The following KIN variants were observed in gnomAD, a reference collection of about 807,000 sequenced individuals.
The protein encoded by KIN is Kin17 DNA and RNA binding protein.
Under a neutral mutation model 63.0 loss-of-function variants are expected in KIN, and 47 were observed. That is an observed-to-expected ratio of 0.75 (90% CI 0.59 to 0.95). The LOEUF (loss-of-function observed/expected upper bound fraction) is 0.95. Among genes scored for constraint, KIN ranks in the 40% least tolerant of loss-of-function variants. The probability of loss-of-function intolerance (pLI) is 0.00; values close to 1 mark genes in which losing one functional copy is unlikely to be tolerated. For missense variants in KIN, 408 were observed against 460.9 expected (o/e 0.89, Z 1.05); for synonymous variants, 160 against 157.7 (o/e 1.01, Z -0.11).
At chr10:7,767,736 G>A (rs11255350) in intron 8 of KIN, among the ~76,000 whole-genome samples, 7,227 of 152,004 alleles carry the variant, frequency 0.048, 582 homozygotes, top group African/African-American at 0.17. Context: ...GCGGGTGCCT[G>A]TAATCCCAGC....
intron 12 of KIN, among the ~76,000 whole-genome samples, chr10:7,757,304 G>T (rs1176538316): frequency 2.6e-5 from 4 of 152,034 alleles, no homozygotes; most frequent in Non-Finnish European, 5.9e-5. Flanking sequence ...TTTGAGACCA[G>T]CCTGACCAAC....
In KIN at chr10:7,769,313, C is replaced by G; in HGVS notation, c.701G>C (p.Gly234Ala). Residue 234 changes from glycine (G) to alanine (A), a missense_variant, in exon 8 of 13, where the codon GGA (glycine) becomes GCA (alanine). Transcript: ENST00000379562. ...TTTTCGTTTCACTGATGCTGAACTT[C>G]CTATCGTCTTCAGTGCACTCGGTCC... ...TLGPSALKTI[G>A]SSASVKRKES... is the part of the protein sequence containing the mutation. The G allele has an allele frequency of 6.2e-7, 1 of 1,613,882 alleles. No individual in the cohort carries two copies. The highest frequency in any genetic ancestry group is 1.1e-5 in the South Asian group (1 of 91,052).
intron 11 of KIN, among the ~76,000 whole-genome samples, chr10:7,762,197 A>G (rs1835447881): frequency 6.6e-6 from 1 of 151,688 alleles, no homozygotes; most frequent in Admixed American, 6.6e-5. Flanking sequence ...TGCTATCCAT[A>G]TATGTCTACG....
intron 2 of KIN, among the ~76,000 whole-genome samples, chr10:7,782,223 GGAAA>G (rs1176706281): frequency 6.6e-6 from 1 of 152,008 alleles, no homozygotes; most frequent in Admixed American, 6.6e-5. Flanking sequence ...CTAGAAGTTT[GGAAA>G]GAAAGAGATG....
intron 7 of KIN, 48 bp from the exon 8 acceptor site, chr10:7,769,393 G>C: frequency 6.4e-7 from 1 of 1,572,788 alleles, no homozygotes; most frequent in Non-Finnish European, 8.6e-7. Context: ...ATACACAGAC[G>C]AATGCTTTAC....
intron 1 of KIN, 81 bp downstream of exon 1, chr10:7,787,738 GC>G (rs1836056549): frequency 9.2e-7 from 1 of 1,086,920 alleles, no homozygotes; most frequent in Admixed American, 1.7e-5. Context: ...CCAGCCCCGC[GC>G]CCTCAGCCCC....
rs756899527 is a variant in KIN, at chr10:7,787,956, T to C, written c.-23A>G. 6.4e-7 allele frequency: 1 copy of C among 1,562,544 alleles called. No homozygotes were observed. Among genetic ancestry groups the C allele is most frequent in the Non-Finnish European group, 8.8e-7 (1 of 1,133,018 alleles). ...CATGGCGACCACGGCAGCGATCACT[T>C]TCTGGACCCCAGTACTCAGCCAGCC... On this transcript the variant is annotated 5_prime_UTR_variant, in exon 1 of 13. Coordinates refer to ENST00000379562, the MANE Select transcript of KIN (RefSeq NM_012311.4).
Position 7,751,703 on chromosome 10 carries a change from A to C in KIN, c.*4377T>G, listed in dbSNP as rs1235492543. On this transcript the variant is annotated 3_prime_UTR_variant, in exon 13 of 13. Coordinates refer to ENST00000379562, the MANE Select transcript of KIN (RefSeq NM_012311.4). ...CATTTCCTATTTCAAAAATAGAAAAATATTAAATATTAGAATGCTAATATT... is the reference window on the plus strand; with the variant it reads ...CATTTCCTATTTCAAAAATAGAAAACTATTAAATATTAGAATGCTAATATT... 6.6e-6 allele frequency: 1 copy of C among 152,222 alleles called. No homozygotes were observed. The highest frequency in any genetic ancestry group is 2.4e-5 in the African/African-American group (1 of 41,452). 9.4% of individuals were successfully genotyped at this position (152,222 alleles called of 1,614,324 possible).
intron 12 of KIN, 116 bp from the exon 13 acceptor site, chr10:7,756,258 A>C (rs1320772937): frequency 1.8e-6 from 1 of 542,474 alleles, no homozygotes; most frequent in Non-Finnish European, 3.2e-6. Flanking sequence ...AAATACCATT[A>C]AGATTGTTAA....
In KIN at chr10:7,763,733, G is replaced by T; in HGVS notation, c.908C>A (p.Ala303Asp). 1 of 1,485,094 alleles carries T rather than the reference G, an allele frequency of 6.7e-7. No homozygotes were observed. The highest frequency in any genetic ancestry group is 9.3e-7 in the Non-Finnish European group (1 of 1,076,252). 92.0% of individuals were successfully genotyped at this position (1,485,094 alleles called of 1,614,324 possible). A position where few individuals can be genotyped will look rare whatever the true frequency, so the allele number is the denominator to read the frequency against. The stretch of plus-strand genomic sequence containing the variant: ...ATTGCACGTCCTTACCTTAACAATA[G>T]CCTTTTTCTTATGATATTTCTCTCC... ...KLGEKYHKKK[A>D]IVKEVIDKYT... The change falls in exon 10 of 13, where the codon GCT becomes GAT. Residue 303 changes from alanine (A) to aspartate (D), a missense_variant. Coordinates refer to ENST00000379562, the MANE Select transcript of KIN (RefSeq NM_012311.4).
At chr10:7,787,232 C>A (rs764125970) in intron 1 of KIN, among the ~76,000 whole-genome samples, 1 of 152,182 alleles carries the variant, frequency 6.6e-6, no homozygotes, top group Admixed American at 6.5e-5. Context: ...AAATAACTTG[C>A]CCAAGACCAC....
chr10:7,777,051 C>CT (rs1835792577), intron 5 of KIN, among the ~76,000 whole-genome samples: 2 of 58,266 alleles, frequency 3.4e-5, no homozygotes, highest in Admixed American at 2.6e-4. Context: ...GAGACAGTCT[C>CT]TCAAAAAAAA....
rs1322987897 is a variant in KIN, at chr10:7,755,523, G to A, written c.*557C>T. The A allele has an allele frequency of 2.0e-5, 3 of 152,150 alleles. No homozygotes were observed. Among genetic ancestry groups the A allele is most frequent in the African/African-American group, 7.2e-5 (3 of 41,422 alleles). 9.4% of individuals were successfully genotyped at this position (152,150 alleles called of 1,614,324 possible). A position where few individuals can be genotyped will look rare whatever the true frequency, so the allele number is the denominator to read the frequency against. On this transcript the variant is annotated 3_prime_UTR_variant, in exon 13 of 13. Coordinates refer to ENST00000379562, the MANE Select transcript of KIN (RefSeq NM_012311.4). ...GAAAAATAGCGATTGACTATTAAAGGGTTTCATTTTGGGGTATGAAAGTGT... is the reference window on the plus strand; with the variant it reads ...GAAAAATAGCGATTGACTATTAAAGAGTTTCATTTTGGGGTATGAAAGTGT...
chr10:7,783,122 C>A lies in KIN; in HGVS notation c.168G>T (p.Leu56=). The A allele has an allele frequency of 6.2e-7, 1 of 1,601,216 alleles. No individual in the cohort carries two copies. Among genetic ancestry groups the A allele is most frequent in the South Asian group, 1.1e-5 (1 of 88,710 alleles). The change falls in exon 2 of 13, where the codon CTG becomes CTT. Residue 56 remains leucine, a synonymous_variant. Transcript: ENST00000379562. ...MSESHQRQLL[L]ASENPQQFMD... ...TAAACTGCTGAGGATTTTCTGAAGC[C>A]AGCAATAGTTGTCTCTGATGAGATT...
Position 7,759,898 on chromosome 10 carries a change from T to G in KIN, c.1111A>C (p.Ile371Leu), listed in dbSNP as rs1382932085. Residue 371 changes from isoleucine to leucine, a missense_variant, in exon 12 of 13, where the codon ATT (isoleucine) becomes CTT (leucine). Ile to Leu is a conservative substitution (Grantham distance 5). Around this residue, in one of 2 missense-constraint regions of KIN, gnomAD observed 298 missense variants for 296.0 expected, o/e 1.01. Transcript: ENST00000379562. ...TGTGTAAACAAACTTACAGTTTCAATGACGATAGTAGCTGAAAAAGTCTTC... is the reference window on the plus strand; with the variant it reads ...TGTGTAAACAAACTTACAGTTTCAAGGACGATAGTAGCTGAAAAAGTCTTC... ...NEKTFSATIV[I>L]ETGPLKGRRV... 2.0e-6 allele frequency: 3 copies of G among 1,505,716 alleles called. No individual in the cohort carries two copies. In the Admixed American group the frequency reaches 5.4e-5, roughly 27 times the overall value. 93.3% of individuals were successfully genotyped at this position (1,505,716 alleles called of 1,614,324 possible).
chr10:7,781,919 G>A (rs191704813), intron 2 of KIN, among the ~76,000 whole-genome samples: 84 of 152,110 alleles, frequency 5.5e-4, no homozygotes, highest in African/African-American at 1.8e-3. Flanking sequence ...TTAGCGGAGC[G>A]TGGTGGCGCA....
In KIN at chr10:7,753,729, C is replaced by T. The variant is rs1235195249; in HGVS notation, c.*2351G>A. ...TCTAAAGACTGCCCACACCCAAAAC[C>T]CAGTTGCTTTCCATAATGTGCTGTC... On this transcript the variant is annotated 3_prime_UTR_variant, in exon 13 of 13. Coordinates refer to ENST00000379562, the MANE Select transcript of KIN (RefSeq NM_012311.4). 5.9e-6 allele frequency: 1 copy of T among 170,266 alleles called. No homozygotes were observed. Among genetic ancestry groups the T allele is most frequent in the Non-Finnish European group, 1.3e-5 (1 of 79,026 alleles). The allele number at this position is 170,266 out of a possible 1,614,324, so 10.5% of individuals were successfully genotyped here.
At chr10:7,783,222 T>C (rs1457370326) in intron 1 of KIN, 47 bp from the exon 2 acceptor site, 2 of 1,078,408 alleles carry the variant, frequency 1.9e-6, no homozygotes, top group African/African-American at 1.6e-5. Context: ...GTCATCAAAA[T>C]GGGCTCTAAA....
rs1305681025 is a variant in KIN at position 7,787,969 on chromosome 10, T to C, written c.-36A>G. On this transcript the variant is annotated 5_prime_UTR_variant, in exon 1 of 13. Transcript: ENST00000379562. ...GCAGCGATCACTTTCTGGACCCCAG[T>C]ACTCAGCCAGCCGGAAACGGAACCG... The C allele has an allele frequency of 6.6e-7, 1 of 1,516,476 alleles. No individual in the cohort carries two copies. The highest frequency in any genetic ancestry group is 1.7e-5 in the Admixed American group (1 of 59,906). 93.9% of individuals were successfully genotyped at this position (1,516,476 alleles called of 1,614,324 possible).
Sources: gnomAD v4.1 joint callset for allele counts (sites outside exome capture counted in the v4.1 genomes callset) on GRCh38, gnomAD v4.1.1 for gene constraint, gnomAD v4.1.1 regional missense constraint, MANE v1.5 for transcripts, NCBI Gene and HGNC (gene_info 2026-07-23, HGNC 2026-07-21) for gene names.